Variants in ZC3H12C observed in about 807,000 individuals in gnomAD.
ZC3H12C encodes the protein zinc finger CCCH-type containing 12C.
Under a neutral mutation model 76.3 loss-of-function variants are expected in ZC3H12C, and 20 were observed. The ratio of observed to expected loss-of-function variants is 0.26; its 90% CI spans 0.18 to 0.38. The LOEUF (loss-of-function observed/expected upper bound fraction) is 0.38. ZC3H12C is among the 10% of genes least tolerant of loss of function. The pLI is 1.00. For missense variants in ZC3H12C, 874 were observed against 1,086.5 expected (o/e 0.80, Z 2.75); for synonymous variants, 352 against 399.6 (o/e 0.88, Z 1.42).
At chr11:110,098,397 A>G (rs747387634) in intron 1 of ZC3H12C, among the ~76,000 whole-genome samples, 27 of 152,348 alleles carry the variant, frequency 1.8e-4, no homozygotes, top group Non-Finnish European at 3.1e-4. Flanking sequence ...TTTATAAAGT[A>G]AAAAAGTTAC....
intron 2 of ZC3H12C, among the ~76,000 whole-genome samples, chr11:110,146,135 C>T (rs568149413): frequency 5.9e-5 from 9 of 152,122 alleles, no homozygotes; most frequent in East Asian, 5.8e-4. Flanking sequence ...CACAGGTGCC[C>T]GCCACCACGC....
intron 1 of ZC3H12C, among the ~76,000 whole-genome samples, chr11:110,116,086 CTT>C (rs1861522839): frequency 6.6e-6 from 1 of 152,122 alleles, no homozygotes; most frequent in African/African-American, 2.4e-5. Flanking sequence ...GGAAGAAAAT[CTT>C]TGTTTCCTTT....
chr11:110,159,882 C>T (rs1028909628), intron 4 of ZC3H12C, among the ~76,000 whole-genome samples: 7 of 152,240 alleles, frequency 4.6e-5, no homozygotes, highest in African/African-American at 1.4e-4. Flanking sequence ...AACAGGGATA[C>T]GTTCTGAGAA....
At chr11:110,115,748 C>CTTTTTTT (rs71476067) in intron 1 of ZC3H12C, among the ~76,000 whole-genome samples, 41 of 120,306 alleles carry the variant, frequency 3.4e-4, no homozygotes, top group African/African-American at 4.5e-4. Context: ...TTCTCATTTT[C>CTTTTTTT]TTTTTTTTTT....
Position 110,169,344 on chromosome 11 carries a change from GTGT to G in ZC3H12C, c.*3608_*3610del, listed in dbSNP as rs1862635712. Reference sequence around the variant, plus strand: ...CAGGTGGGAGGATGGCTCTGGGTGTGTGTGTGTGTGTGTGTGTGTGTGTGTGTG... The same window carrying G: ...CAGGTGGGAGGATGGCTCTGGGTGTGGTGTGTGTGTGTGTGTGTGTGTGTG... On this transcript the variant is annotated 3_prime_UTR_variant, in exon 6 of 6. Transcript: ENST00000278590. 4 of 31,098 alleles carry G rather than the reference GTGT, an allele frequency of 1.3e-4. No individual in the cohort carries two copies. In the East Asian group the frequency reaches 6.3e-3, roughly 49 times the overall value. The allele number at this position is 31,098 out of a possible 1,614,324, so 1.9% of individuals were successfully genotyped here. A position where few individuals can be genotyped will look rare whatever the true frequency, so the allele number is the denominator to read the frequency against.
chr11:110,129,496 A>C (rs1861820502), intron 1 of ZC3H12C, among the ~76,000 whole-genome samples: 1 of 152,198 alleles, frequency 6.6e-6, no homozygotes, highest in Non-Finnish European at 1.5e-5. Flanking sequence ...CCAACTATTC[A>C]CAAATGATCC....
In ZC3H12C at chr11:110,164,617, A is replaced by G. The variant is rs752235998; in HGVS notation, c.1532A>G (p.Asn511Ser). Reference protein sequence around the residue: ...QDLEEKLPTKNKLETRSVPSL... With the variant: ...QDLEEKLPTKSKLETRSVPSL... Reference sequence around the variant, plus strand: ...CTAGAAGAAAAGCTTCCCACCAAAAACAAATTGGAAACCAGGTCTGTACCT... The same window carrying G: ...CTAGAAGAAAAGCTTCCCACCAAAAGCAAATTGGAAACCAGGTCTGTACCT... Residue 511 changes from asparagine to serine, a missense_variant, in exon 6 of 6, where the codon AAC (asparagine) becomes AGC (serine). Physicochemically the swap from Asn to Ser is conservative, Grantham distance 46. This residue lies in a region of ZC3H12C where 269 missense variants were observed against 424.9 expected (regional missense o/e 0.63). Coordinates refer to ENST00000278590, the MANE Select transcript of ZC3H12C (RefSeq NM_033390.2). This position sits in a 1 kb window ranked among gnomAD's most constrained non-coding sequence, Gnocchi z 5.7. 7.4e-6 allele frequency: 12 copies of G among 1,613,974 alleles called. No individual in the cohort carries two copies. The Admixed American group carries it at 1.8e-4, about 25-fold the overall frequency.
At chr11:110,155,344 G>C (rs1862357332) in intron 3 of ZC3H12C, among the ~76,000 whole-genome samples, 1 of 151,814 alleles carries the variant, frequency 6.6e-6, no homozygotes, top group Non-Finnish European at 1.5e-5. Context: ...ATAGCATTCA[G>C]TGCCCTGAAG....
intron 1 of ZC3H12C, among the ~76,000 whole-genome samples, chr11:110,116,208 C>T (rs1387885944): frequency 6.6e-6 from 1 of 152,130 alleles, no homozygotes; most frequent in Non-Finnish European, 1.5e-5. Context: ...CATTTCCAAG[C>T]GTTCTTACAC....
intron 1 of ZC3H12C, among the ~76,000 whole-genome samples, chr11:110,094,322 G>A (rs1861074472): frequency 6.6e-6 from 1 of 152,182 alleles, no homozygotes; most frequent in African/African-American, 2.4e-5. Context: ...CCCATCAGGC[G>A]CTTATTGATT....
rs1377322002 is a variant in ZC3H12C at position 110,165,920 on chromosome 11, T to G, written c.*183T>G. ...CCACATGGTGGAAGTATCACGGGAT[T>G]GCTTTACATTTAAACTTTTTTTTTT... On this transcript the variant is annotated 3_prime_UTR_variant, in exon 6 of 6. Coordinates refer to ENST00000278590, the MANE Select transcript of ZC3H12C (RefSeq NM_033390.2). The G allele has an allele frequency of 3.2e-6, 2 of 623,628 alleles. No individual in the cohort carries two copies. Among genetic ancestry groups the G allele is most frequent in the East Asian group, 5.9e-5 (2 of 34,054 alleles). 38.6% of individuals were successfully genotyped at this position (623,628 alleles called of 1,614,324 possible). A position where few individuals can be genotyped will look rare whatever the true frequency, so the allele number is the denominator to read the frequency against.
intron 1 of ZC3H12C, among the ~76,000 whole-genome samples, chr11:110,101,781 C>T (rs1591455889): frequency 6.6e-6 from 1 of 151,934 alleles, no homozygotes; most frequent in East Asian, 1.9e-4. Context: ...AACTCCTGAC[C>T]TCATGTTCCA....
In ZC3H12C at chr11:110,165,394, G is replaced by T. The variant is rs755501364; in HGVS notation, c.2309G>T (p.Arg770Leu). Residue 770 changes from arginine to leucine, a missense_variant, in exon 6 of 6, where the codon CGC becomes CTC. Around this residue, in one of 3 missense-constraint regions of ZC3H12C, gnomAD observed 395 missense variants for 434.4 expected, o/e 0.91. Transcript: ENST00000278590. ...SPSRQRKPYS[R>L]QEGLGSWERP... ...TCACGACAAAGAAAGCCTTATTCCC[G>T]CCAGGAAGGCCTGGGAAGCTGGGAG... 6.2e-6 allele frequency: 10 copies of T among 1,613,916 alleles called. No homozygotes were observed. Among genetic ancestry groups the T allele is most frequent in the East Asian group, 2.2e-5 (1 of 44,866 alleles).
rs140559457 is a variant in ZC3H12C at position 110,100,718 on chromosome 11, T to C, written c.21+7286T>C. ...AACAATCAAGCAGTGTTGTGTGTGT[T>C]CTGAGTGCTCCATCGACCAGCCGTT... On this transcript the variant is annotated intron_variant, in intron 1 of 5. Transcript: ENST00000278590. Among the ~76,000 whole-genome samples the C allele has an allele frequency of 2.9e-3, 449 of 152,278 alleles. 1 individual carries two copies. Among genetic ancestry groups the C allele is most frequent in the African/African-American group, 9.3e-3 (385 of 41,542 alleles).
chr11:110,138,557 A>C (rs983072068), intron 2 of ZC3H12C, among the ~76,000 whole-genome samples: 10 of 151,510 alleles, frequency 6.6e-5, no homozygotes, highest in Non-Finnish European at 1.3e-4. Context: ...AGTTTACATT[A>C]TTCTTTTTTT....
chr11:110,098,536 C>T (rs1196301765), intron 1 of ZC3H12C, among the ~76,000 whole-genome samples: 2 of 152,218 alleles, frequency 1.3e-5, no homozygotes, highest in African/African-American at 4.8e-5. Context: ...TCACCACTCA[C>T]TCACTGACTT....
intron 1 of ZC3H12C, among the ~76,000 whole-genome samples, chr11:110,100,586 A>AAT: frequency 6.6e-6 from 1 of 152,248 alleles, no homozygotes; most frequent in Middle Eastern, 3.4e-3. Context: ...TAGTTCTTGC[A>AAT]ATATTTCAAA....
chr11:110,093,968 C>G (rs901376800), intron 1 of ZC3H12C, among the ~76,000 whole-genome samples: 2 of 152,166 alleles, frequency 1.3e-5, no homozygotes, highest in African/African-American at 4.8e-5. Context: ...CCTCACTCCC[C>G]CCTCGTCCCT....
At position 110,161,435 on chromosome 11, in the gene ZC3H12C, C is replaced by T. The variant is rs141267813; in HGVS notation, c.1149-1838C>T. ...CAGAGTCTAAAAGTTGATGAATGAA[C>T]GAATGACATCAAGCATGTCTCATGA... On this transcript the variant is annotated intron_variant, in intron 4 of 5. Coordinates refer to ENST00000278590, the MANE Select transcript of ZC3H12C (RefSeq NM_033390.2). Among the ~76,000 whole-genome samples, 116 of 152,150 alleles carry T rather than the reference C, an allele frequency of 7.6e-4. 1 individual carries two copies. Among genetic ancestry groups the T allele is most frequent in the Non-Finnish European group, 1.5e-3 (100 of 67,992 alleles).
Sources: gnomAD v4.1 joint callset for allele counts (sites outside exome capture counted in the v4.1 genomes callset) on GRCh38, gnomAD v4.1.1 for gene constraint, gnomAD v4.1.1 regional missense constraint, Gnocchi (gnomAD v3.1) non-coding constraint, MANE v1.5 for transcripts, NCBI Gene and HGNC (gene_info 2026-07-23, HGNC 2026-07-21) for gene names.